Variants in CLYBL observed in about 807,000 individuals in gnomAD.
CLYBL encodes citramalyl-CoA lyase, mitochondrial.
Under a neutral mutation model 38.9 loss-of-function variants are expected in CLYBL, and 31 were observed. The ratio of observed to expected loss-of-function variants is 0.80; its 90% CI spans 0.60 to 1.08. The LOEUF is 1.08. CLYBL is among the 50% of genes least tolerant of loss of function. The pLI, the probability that CLYBL is intolerant of heterozygous loss-of-function variation, is 0.00. For synonymous variants in CLYBL, 171 were observed against 158.6 expected (o/e 1.08, Z -0.59); for missense variants, 434 against 411.6 (o/e 1.05, Z -0.47).
intron 1 of CLYBL, among the ~76,000 whole-genome samples, chr13:99,719,927 A>G (rs2048370646): frequency 6.6e-6 from 1 of 151,916 alleles, no homozygotes; most frequent in Non-Finnish European, 1.5e-5. Flanking sequence ...TTTTCTTTAA[A>G]TGTAATCTTG....
At chr13:99,616,008 ATTTTTAT>A (rs1414788579) in intron 1 of CLYBL, among the ~76,000 whole-genome samples, 1 of 151,474 alleles carries the variant, frequency 6.6e-6, no homozygotes, top group African/African-American at 2.4e-5. Context: ...TAATTTTTTT[ATTTTTAT>A]TTTTTATTTT....
At chr13:99,634,753 C>T (rs16956764) in intron 1 of CLYBL, among the ~76,000 whole-genome samples, 4,292 of 152,052 alleles carry the variant, frequency 0.028, 204 homozygotes, top group African/African-American at 0.097. Context: ...TCTGTTTCTC[C>T]CTTGTAAGGA....
At chr13:99,683,277 TC>T (rs1444289970) in intron 1 of CLYBL, among the ~76,000 whole-genome samples, 1 of 150,204 alleles carries the variant, frequency 6.7e-6, no homozygotes, top group Non-Finnish European at 1.5e-5. Flanking sequence ...AGACATGGTT[TC>T]ACCATTTTGG....
At chr13:99,734,598 G>A (rs1055128497) in intron 1 of CLYBL, among the ~76,000 whole-genome samples, 1 of 152,146 alleles carries the variant, frequency 6.6e-6, no homozygotes, top group East Asian at 1.9e-4. Flanking sequence ...GGATTTGATA[G>A]TCGAGGCCTT....
intron 1 of CLYBL, among the ~76,000 whole-genome samples, chr13:99,669,283 T>C (rs2047530425): frequency 6.6e-6 from 1 of 152,100 alleles, no homozygotes; most frequent in African/African-American, 2.4e-5. Context: ...ATTACAGGTG[T>C]GAGCTGCCGC....
intron 1 of CLYBL, among the ~76,000 whole-genome samples, chr13:99,635,525 A>G (rs2047006679): frequency 6.6e-6 from 1 of 152,002 alleles, no homozygotes; most frequent in Non-Finnish European, 1.5e-5. Flanking sequence ...TGCGCAGCTT[A>G]TTGCTTTTTC....
chr13:99,693,318 C>T (rs1209161027), intron 1 of CLYBL, among the ~76,000 whole-genome samples: 2 of 152,162 alleles, frequency 1.3e-5, no homozygotes, highest in African/African-American at 4.8e-5. Context: ...TCTTAGGAAA[C>T]TGGTCAGAAT....
intron 2 of CLYBL, among the ~76,000 whole-genome samples, chr13:99,832,733 T>C (rs1471892074): frequency 6.6e-6 from 1 of 151,840 alleles, no homozygotes; most frequent in African/African-American, 2.4e-5. Flanking sequence ...GCTTTCATAT[T>C]ATCCATTGGT....
intron 2 of CLYBL, among the ~76,000 whole-genome samples, chr13:99,788,643 A>G (rs1206554266): frequency 1.3e-5 from 2 of 152,046 alleles, no homozygotes; most frequent in South Asian, 4.2e-4. Flanking sequence ...TTCATCAGGG[A>G]TTTTGGTCTA....
At chr13:99,904,421 T>C (rs2052673691) in intron 8 of CLYBL, among the ~76,000 whole-genome samples, 1 of 152,236 alleles carries the variant, frequency 6.6e-6, no homozygotes, top group African/African-American at 2.4e-5. Flanking sequence ...ATAATTATGT[T>C]TGGGTCTCAT....
intron 1 of CLYBL, among the ~76,000 whole-genome samples, chr13:99,703,643 C>T (rs1285721698): frequency 1.3e-5 from 2 of 152,204 alleles, no homozygotes; most frequent in African/African-American, 4.8e-5. Context: ...ACTGGGATTA[C>T]ACATATGAGC....
chr13:99,814,379 C>T (rs1404923124), intron 2 of CLYBL, among the ~76,000 whole-genome samples: 2 of 152,166 alleles, frequency 1.3e-5, no homozygotes, highest in Non-Finnish European at 2.9e-5. Flanking sequence ...AACTTAACCT[C>T]CTAGAGTTTT....
intron 2 of CLYBL, among the ~76,000 whole-genome samples, chr13:99,817,674 G>A (rs2806293): frequency 0.57 from 71,623 of 126,194 alleles, 20,051 homozygotes; most frequent in East Asian, 0.87. Context: ...AAAAAAAAAA[G>A]AAAAGAAAAA....
chr13:99,686,447 A>C (rs1350760240), intron 1 of CLYBL, among the ~76,000 whole-genome samples: 1 of 152,176 alleles, frequency 6.6e-6, no homozygotes, highest in Non-Finnish European at 1.5e-5. Context: ...TTCTGTTTCC[A>C]CAGTCCTTTG....
intron 1 of CLYBL, among the ~76,000 whole-genome samples, chr13:99,612,140 CCTT>C (rs1218827010): frequency 1.2e-4 from 19 of 152,208 alleles, no homozygotes; most frequent in African/African-American, 4.1e-4. Context: ...AGTGATGTGT[CCTT>C]CTTCATCCTT....
intron 1 of CLYBL, among the ~76,000 whole-genome samples, chr13:99,729,880 A>G (rs1259744537): frequency 4.6e-5 from 7 of 151,994 alleles, no homozygotes; most frequent in Admixed American, 3.9e-4. Flanking sequence ...GCACCGCTTC[A>G]GTGTGGCTGG....
chr13:99,851,694 C>T (rs919254374), intron 2 of CLYBL, among the ~76,000 whole-genome samples: 1 of 152,096 alleles, frequency 6.6e-6, no homozygotes, highest in Non-Finnish European at 1.5e-5. Context: ...TAAGTTTCGG[C>T]GAGCATGTGG....
chr13:99,636,087 A>G (rs1300530874), intron 1 of CLYBL, among the ~76,000 whole-genome samples: 5 of 152,206 alleles, frequency 3.3e-5, no homozygotes, highest in Non-Finnish European at 7.3e-5. Context: ...CTAAGTTAAA[A>G]GAGTGATTAT....
intron 2 of CLYBL, among the ~76,000 whole-genome samples, chr13:99,816,613 G>A (rs1202809129): frequency 1.3e-5 from 2 of 152,186 alleles, no homozygotes; most frequent in Non-Finnish European, 2.9e-5. Flanking sequence ...ACATGAACTG[G>A]ACTAGCGCCC....
Sources: allele counts gnomAD v4.1 joint callset (sites outside exome capture counted in the v4.1 genomes callset), GRCh38; gene constraint gnomAD v4.1.1; transcripts MANE v1.5; gene names NCBI Gene and HGNC (gene_info 2026-07-23, HGNC 2026-07-21).